Variants in PKHD1 observed in about 807,000 individuals in gnomAD.
PKHD1 encodes fibrocystin.
PKHD1 carries 291 observed loss-of-function variants against 412.0 expected under a neutral mutation model. The observed-to-expected ratio is 0.71, with a 90% CI of 0.64 to 0.78. The LOEUF (loss-of-function observed/expected upper bound fraction) is 0.78. PKHD1 is among the 30% of genes least tolerant of loss of function. PKHD1 has a pLI of 0.00. For synonymous variants in PKHD1, 1,777 were observed against 1,821.5 expected, an observed-to-expected ratio of 0.98 and a Z score of 0.62; for missense variants, 4,825 against 4,950.7, an observed-to-expected ratio of 0.97 and a Z score of 0.76.
chr6:51,894,702 G>A (rs1779621992), intron 43 of PKHD1, among the ~76,000 whole-genome samples: 1 of 152,234 alleles, frequency 6.6e-6, no homozygotes, highest in Admixed American at 6.5e-5. Context: ...TGTGAGGAGA[G>A]AGAGTTTAGG....
chr6:51,915,692 A>T (rs1783670539), intron 37 of PKHD1, among the ~76,000 whole-genome samples: 1 of 151,858 alleles, frequency 6.6e-6, no homozygotes, highest in Non-Finnish European at 1.5e-5. Flanking sequence ...CCTCAAACCC[A>T]TGTGTTCAGT....
Position 51,883,110 on chromosome 6 carries a change from C to T in PKHD1, c.7333G>A (p.Gly2445Ser). The part of the protein sequence containing the change: ...NTSVTDSLLL[G>S]HFAHKGSLCM... ...GCACTTACCTTGTGGGCAAAATGAC[C>T]AAGTAATAAGCTGTCAGTAACTGAA... The change falls in exon 46 of 67, where the codon GGT (glycine) becomes AGT (serine). Residue 2445 changes from glycine to serine, a missense_variant. Gly to Ser is a moderately conservative substitution (Grantham distance 56). Transcript: ENST00000371117. 6.2e-7 allele frequency: 1 copy of T among 1,613,178 alleles called. No individual in the cohort carries two copies. Among genetic ancestry groups the T allele is most frequent in the Non-Finnish European group, 8.5e-7 (1 of 1,179,358 alleles).
At position 51,749,306 on chromosome 6, in the gene PKHD1, G is replaced by C. The variant is rs1785702985; in HGVS notation, c.8951-641C>G. 1.3e-5 allele frequency among the ~76,000 whole-genome samples: 2 copies of C among 151,976 alleles called. 1 individual carries two copies. Among genetic ancestry groups the C allele is most frequent in the South Asian group, 4.1e-4 (2 of 4,822 alleles). ...TTATCCTGACTACACTTTATTCACT[G>C]TTTCATTTTTATAAGATTTTCTATA... is the stretch of plus-strand genomic sequence containing the variant. On this transcript the variant is annotated intron_variant, in intron 57 of 66. Coordinates refer to ENST00000371117, the MANE Select transcript of PKHD1 (RefSeq NM_138694.4).
intron 17 of PKHD1, 22 bp from the exon 18 acceptor site, chr6:52,056,810 C>T (rs776108461): frequency 9.4e-6 from 15 of 1,600,200 alleles, no homozygotes; most frequent in Non-Finnish European, 1.3e-5. Flanking sequence ...GAAAAAAATG[C>T]CAGGAATTTA....
intron 52 of PKHD1, among the ~76,000 whole-genome samples, chr6:51,815,935 A>G (rs1765388094): frequency 2.6e-5 from 4 of 152,206 alleles, no homozygotes; most frequent in South Asian, 2.1e-4. Context: ...AACCATATAC[A>G]TATATGATCA....
At chr6:51,903,950 C>A (rs1016932410) in intron 42 of PKHD1, 36 bp downstream of exon 42, 1 of 1,369,622 alleles carries the variant, frequency 7.3e-7, no homozygotes, top group African/African-American at 1.4e-5. Flanking sequence ...ATTTTAAATA[C>A]ACTGTAATAG....
chr6:51,664,478 C>T (rs927712524), intron 60 of PKHD1, among the ~76,000 whole-genome samples: 1 of 152,150 alleles, frequency 6.6e-6, no homozygotes, highest in African/African-American at 2.4e-5. Context: ...AATAAGATGA[C>T]AGAGAATGAA....
At chr6:51,821,938 C>T (rs10456150) in intron 52 of PKHD1, among the ~76,000 whole-genome samples, 5,810 of 152,264 alleles carry the variant, frequency 0.038, 176 homozygotes, top group Middle Eastern at 0.11. Flanking sequence ...CCGCCTGCCT[C>T]GGACTCCCAA....
intron 48 of PKHD1, among the ~76,000 whole-genome samples, chr6:51,866,533 A>C (rs1775087972): frequency 6.6e-6 from 1 of 152,128 alleles, no homozygotes; most frequent in Non-Finnish European, 1.5e-5. Flanking sequence ...GGCACTACAG[A>C]GCCTTCTAAC....
chr6:51,683,636 T>C (rs1325169264), intron 60 of PKHD1, among the ~76,000 whole-genome samples: 1 of 152,054 alleles, frequency 6.6e-6, no homozygotes, highest in African/African-American at 2.4e-5. Flanking sequence ...CAGGAAATCA[T>C]AGTAATCCTA....
At chr6:51,872,023 A>C (rs539600878) in intron 46 of PKHD1, among the ~76,000 whole-genome samples, 1 of 152,130 alleles carries the variant, frequency 6.6e-6, no homozygotes, top group South Asian at 2.1e-4. Flanking sequence ...AAAAAAAAGG[A>C]AATAGGAGAG....
At chr6:51,765,533 T>G (rs1396736888) in intron 55 of PKHD1, among the ~76,000 whole-genome samples, 2 of 152,022 alleles carry the variant, frequency 1.3e-5, no homozygotes. Context: ...GCCAGCTGGT[T>G]CCCACCCATC....
chr6:52,025,733 C>CAGACTGTG lies in PKHD1; in HGVS notation c.4069_4076dup (p.Glu1360ThrfsTer31). Reference sequence around the variant, plus strand: ...CTTGGAGAGGATAGATGCCAGCCTCCAGACTGTGAAGAGGGATGGAGCATC... The same window carrying CAGACTGTG: ...CTTGGAGAGGATAGATGCCAGCCTCCAGACTGTGAGACTGTGAAGAGGGATGGAGCATC... On this transcript the variant is annotated frameshift_variant, in exon 32 of 67. Coordinates refer to ENST00000371117, the MANE Select transcript of PKHD1 (RefSeq NM_138694.4). LOFTEE classifies it high-confidence loss of function. 1 of 1,614,200 alleles carries CAGACTGTG rather than the reference C, an allele frequency of 6.2e-7. No individual in the cohort carries two copies. The highest frequency in any genetic ancestry group is 1.1e-5 in the South Asian group (1 of 91,078).
intron 35 of PKHD1, among the ~76,000 whole-genome samples, chr6:51,981,323 C>G (rs1394318839): frequency 4.5e-3 from 32 of 7,040 alleles, no homozygotes; most frequent in African/African-American, 8.6e-3. Context: ...CTCCCTCTCC[C>G]TCTCCCTCTC....
In PKHD1 at chr6:51,882,005, T is replaced by A. The variant is rs1046538334; in HGVS notation, c.7350+1088A>T. The stretch of plus-strand genomic sequence containing the variant: ...GTCATAATTTACATCTTAATTTTTG[T>A]CACTTTCCCATTAATTATGATGTCT... On this transcript the variant is annotated intron_variant, in intron 46 of 66. Coordinates refer to ENST00000371117, the MANE Select transcript of PKHD1 (RefSeq NM_138694.4). 3.9e-5 allele frequency among the ~76,000 whole-genome samples: 6 copies of A among 152,232 alleles called. No homozygotes were observed. In the East Asian group the frequency reaches 7.7e-4, roughly 19 times the overall value.
intron 36 of PKHD1, among the ~76,000 whole-genome samples, chr6:51,951,373 A>T (rs1353032187): frequency 1.3e-5 from 2 of 152,248 alleles, no homozygotes; most frequent in East Asian, 1.9e-4. Context: ...TGTACCAAGC[A>T]TGTAAAAATC....
chr6:51,871,607 C>G lies in PKHD1; in HGVS notation c.7351-968G>C, dbSNP rs1775998252. Among the ~76,000 whole-genome samples the G allele has an allele frequency of 1.7e-5, 2 of 118,254 alleles. 1 individual carries two copies. Among genetic ancestry groups the G allele is most frequent in the Non-Finnish European group, 4.2e-5 (2 of 47,622 alleles). 77.6% of individuals were successfully genotyped at this position (118,254 alleles called of 152,430 possible). ...CTTGATTGTCGTGGTGGTTGTTACACAAATGTGTACATGTGTTAAAGCTCA... is the reference window on the plus strand; with the variant it reads ...CTTGATTGTCGTGGTGGTTGTTACAGAAATGTGTACATGTGTTAAAGCTCA... On this transcript the variant is annotated intron_variant, in intron 46 of 66. Transcript: ENST00000371117.
rs9474139 is a variant in PKHD1 at position 52,064,730 on chromosome 6, C to A, written c.976+225G>T. ...CATGGTCTCTTCTGGACGCCACTGG[C>A]CATACAGCTGGCTGGAGCTAGAAGT... is the stretch of plus-strand genomic sequence containing the variant. On this transcript the variant is annotated intron_variant, in intron 13 of 66. Transcript: ENST00000371117. Among the ~76,000 whole-genome samples the A allele has an allele frequency of 3.8e-3, 572 of 151,618 alleles. 3 individuals carry two copies. Among genetic ancestry groups the A allele is most frequent in the African/African-American group, 0.013 (547 of 41,230 alleles).
intron 60 of PKHD1, among the ~76,000 whole-genome samples, chr6:51,682,641 AG>A: frequency 6.6e-6 from 1 of 152,054 alleles, no homozygotes; most frequent in East Asian, 1.9e-4. Context: ...GGGCAAGTTG[AG>A]TGAACAGCTT....
Sources: allele counts gnomAD v4.1 joint callset (sites outside exome capture counted in the v4.1 genomes callset), GRCh38; gene constraint gnomAD v4.1.1; transcripts MANE v1.5; gene names NCBI Gene and HGNC (gene_info 2026-07-23, HGNC 2026-07-21).